EPHA4: variants seen among roughly 807,000 people sequenced by gnomAD.
EPHA4 encodes ephrin type-A receptor 4.
EPHA4 carries 19 observed loss-of-function variants against 108.3 expected under a neutral mutation model. That is an observed-to-expected ratio of 0.18 (90% CI 0.12 to 0.26). The LOEUF is 0.26. Ranked by LOEUF, EPHA4 falls within the 10% of genes least tolerant of loss-of-function variation. The pLI is 1.00. For synonymous variants in EPHA4, 449 were observed against 455.5 expected (o/e 0.99, Z 0.18); for missense variants, 917 against 1,254.0 (o/e 0.73, Z 4.06).
chr2:221,442,985 G>T lies in EPHA4; in HGVS notation c.1918C>A (p.Leu640Ile). 1 of 1,614,138 alleles carries T rather than the reference G, an allele frequency of 6.2e-7. No individual in the cohort carries two copies. ...GEFGEVCSGR[L>I]KVPGKREICV... Reference sequence around the variant, plus strand: ...ATCTCTCTCTTGCCAGGCACTTTGAGACGCCCACTGCATACCTCACCAAAT... The same window carrying T: ...ATCTCTCTCTTGCCAGGCACTTTGATACGCCCACTGCATACCTCACCAAAT... The change falls in exon 11 of 18, where the codon CTC becomes ATC. Residue 640 changes from leucine (L) to isoleucine (I), a missense_variant. Transcript: ENST00000281821.
At chr2:221,450,988 C>A (rs1040299375) in intron 8 of EPHA4, among the ~76,000 whole-genome samples, 1 of 152,110 alleles carries the variant, frequency 6.6e-6, no homozygotes, top group African/African-American at 2.4e-5. Context: ...CCGAGGTGGG[C>A]AGTTCACTTG....
intron 5 of EPHA4, among the ~76,000 whole-genome samples, chr2:221,478,336 A>T (rs960042110): frequency 2.0e-5 from 3 of 152,202 alleles, no homozygotes; most frequent in Admixed American, 6.5e-5. Flanking sequence ...GGTCCACTTA[A>T]GTGAAAGTAA....
At chr2:221,482,261 T>C in intron 5 of EPHA4, 91 bp downstream of exon 5, 1 of 1,260,792 alleles carries the variant, frequency 7.9e-7, no homozygotes. Flanking sequence ...ATTGATTCTA[T>C]TTCAATTATA....
chr2:221,512,017 A>T (rs1296561471), intron 3 of EPHA4, among the ~76,000 whole-genome samples: 1 of 152,184 alleles, frequency 6.6e-6, no homozygotes, highest in Admixed American at 6.5e-5. Context: ...TGAAATAAAA[A>T]TGATTATGAC....
At chr2:221,477,203 C>T (rs1476825394) in intron 5 of EPHA4, among the ~76,000 whole-genome samples, 1 of 152,152 alleles carries the variant, frequency 6.6e-6, no homozygotes, top group African/African-American at 2.4e-5. Flanking sequence ...TTTACAACTG[C>T]CTGTTCTCTG....
intron 3 of EPHA4, among the ~76,000 whole-genome samples, chr2:221,529,941 C>T (rs1394037586): frequency 2.0e-5 from 3 of 152,138 alleles, no homozygotes; most frequent in African/African-American, 7.2e-5. Flanking sequence ...GATGTCCGAC[C>T]TACCACAAAA....
chr2:221,503,362 T>G (rs773721765), intron 3 of EPHA4, among the ~76,000 whole-genome samples: 1 of 152,122 alleles, frequency 6.6e-6, no homozygotes, highest in Admixed American at 6.6e-5. Flanking sequence ...CATCACAAAG[T>G]CCAAATGGCA....
chr2:221,483,905 CA>C (rs1218703811), intron 4 of EPHA4, among the ~76,000 whole-genome samples: 1 of 152,098 alleles, frequency 6.6e-6, no homozygotes, highest in Non-Finnish European at 1.5e-5. Context: ...GAACCAGTTC[CA>C]AAGGCTTAAA....
chr2:221,555,052 C>A (rs1035978596), intron 3 of EPHA4, among the ~76,000 whole-genome samples: 26 of 152,096 alleles, frequency 1.7e-4, no homozygotes, highest in Admixed American at 1.7e-3. Flanking sequence ...ACAGACAAGC[C>A]AAGGGATTCA....
intron 4 of EPHA4, among the ~76,000 whole-genome samples, chr2:221,497,011 C>T (rs183773748): frequency 6.6e-6 from 1 of 152,178 alleles, no homozygotes; most frequent in East Asian, 1.9e-4. Flanking sequence ...TCCTACCCCC[C>T]CACCAGAAAT....
chr2:221,530,424 T>C (rs895336900), intron 3 of EPHA4, among the ~76,000 whole-genome samples: 1 of 152,196 alleles, frequency 6.6e-6, no homozygotes, highest in Non-Finnish European at 1.5e-5. Context: ...TTCTCTAACA[T>C]GAAACATTTG....
chr2:221,539,075 A>G (rs1443840393), intron 3 of EPHA4, among the ~76,000 whole-genome samples: 1 of 151,954 alleles, frequency 6.6e-6, no homozygotes, highest in Non-Finnish European at 1.5e-5. Context: ...CCCAGCCTAC[A>G]CTCCTTTTAC....
intron 3 of EPHA4, 114 bp from the exon 4 acceptor site, chr2:221,501,286 A>G: frequency 1.1e-6 from 1 of 934,914 alleles, no homozygotes; most frequent in Non-Finnish European, 1.5e-6. Context: ...GCTAATCATT[A>G]GCGATCATGT....
Position 221,419,347 on chromosome 2 carries a change from C to T in EPHA4, c.*2025G>A, listed in dbSNP as rs1225105329. 1 of 152,604 alleles carries T rather than the reference C, an allele frequency of 6.6e-6. No individual in the cohort carries two copies. The highest frequency in any genetic ancestry group is 2.4e-5 in the African/African-American group (1 of 41,442). The allele number at this position is 152,604 out of a possible 1,614,324, so 9.5% of individuals were successfully genotyped here. A position where few individuals can be genotyped will look rare whatever the true frequency, so the allele number is the denominator to read the frequency against. ...GCCTGAGGCCATTTCATCCCAACTA[C>T]CTTAACCTCAAGAGTCACTGGCATG... On this transcript the variant is annotated 3_prime_UTR_variant, in exon 18 of 18. Coordinates refer to ENST00000281821, the MANE Select transcript of EPHA4 (RefSeq NM_004438.5).
At position 221,568,731 on chromosome 2, in the gene EPHA4, G is replaced by C; in HGVS notation, c.146C>G (p.Pro49Arg). 6.2e-7 allele frequency: 1 copy of C among 1,613,636 alleles called. No homozygotes were observed. The highest frequency in any genetic ancestry group is 8.5e-7 in the Non-Finnish European group (1 of 1,179,828). ...CTCAGGACTTACCCCTCCTTCCAGAGGGCTTGCTATCCACCCAAGTTCTCC... is the reference window on the plus strand; with the variant it reads ...CTCAGGACTTACCCCTCCTTCCAGACGGCTTGCTATCCACCCAAGTTCTCC... ...VQGELGWIAS[P>R]LEGGWEEVSI... Residue 49 changes from proline (P) to arginine (R), a missense_variant, in exon 2 of 18, where the codon CCT becomes CGT. By Grantham distance (103) the Pro-to-Arg change is moderately radical. Transcript: ENST00000281821.
At chr2:221,466,095 C>T (rs904560545) in intron 5 of EPHA4, among the ~76,000 whole-genome samples, 1 of 152,192 alleles carries the variant, frequency 6.6e-6, no homozygotes, top group Non-Finnish European at 1.5e-5. Context: ...GTGACAGAGG[C>T]CGCGTGGCTT....
At chr2:221,444,207 T>C (rs1032719783) in intron 9 of EPHA4, among the ~76,000 whole-genome samples, 4 of 152,228 alleles carry the variant, frequency 2.6e-5, no homozygotes, top group Non-Finnish European at 1.5e-5. Context: ...TAAGCTAAGA[T>C]ATTCAAGTTT....
intron 3 of EPHA4, among the ~76,000 whole-genome samples, chr2:221,542,682 G>A (rs1389509593): frequency 6.6e-6 from 1 of 152,144 alleles, no homozygotes; most frequent in Non-Finnish European, 1.5e-5. Flanking sequence ...GGTTTCGAAA[G>A]CAATGATGTT....
rs1177255166 is a variant in EPHA4 at position 221,556,356 on chromosome 2, G to A, written c.823+7375C>T. Among the ~76,000 whole-genome samples the A allele has an allele frequency of 2.0e-5, 3 of 152,034 alleles. No individual in the cohort carries two copies. The East Asian group carries it at 5.8e-4, about 29-fold the overall frequency. ...GTATCGCCCAGGCTGGAGTGCAGTG[G>A]TGAGATCTTGGTTCAATACAACCTC... On this transcript the variant is annotated intron_variant, in intron 3 of 17. Transcript: ENST00000281821.
Sources: gnomAD v4.1 joint callset for allele counts (sites outside exome capture counted in the v4.1 genomes callset) on GRCh38, gnomAD v4.1.1 for gene constraint, MANE v1.5 for transcripts, NCBI Gene and HGNC (gene_info 2026-07-23, HGNC 2026-07-21) for gene names.